Variants in WDTC1 observed in about 807,000 individuals in gnomAD.
The protein encoded by WDTC1 is WD and tetratricopeptide repeats 1.
In WDTC1, 12 loss-of-function variants were observed where a neutral mutation model predicts 76.0. The observed-to-expected ratio is 0.16, with a 90% CI of 0.10 to 0.26. WDTC1 has a LOEUF of 0.26. Ranked by LOEUF, WDTC1 falls within the 10% of genes least tolerant of loss-of-function variation. The pLI, the probability that WDTC1 is intolerant of heterozygous loss-of-function variation, is 1.00. For missense variants in WDTC1, 511 were observed against 908.8 expected (o/e 0.56, Z 5.63); for synonymous variants, 326 against 350.8 (o/e 0.93, Z 0.79).
chr1:27,250,430 G>A (rs376014851), intron 1 of WDTC1, among the ~76,000 whole-genome samples: 2 of 152,070 alleles, frequency 1.3e-5, no homozygotes, highest in Admixed American at 6.6e-5. Context: ...GATTACAGGC[G>A]TGAGCCACCA....
intron 9 of WDTC1, 132 bp downstream of exon 9, chr1:27,294,761 T>C (rs1343018021): frequency 1.4e-6 from 1 of 729,514 alleles, no homozygotes; most frequent in Non-Finnish European, 2.3e-6. Context: ...CATTGAAATG[T>C]GGGGGTGATG....
chr1:27,263,956 T>A (rs1205707561), intron 3 of WDTC1, among the ~76,000 whole-genome samples: 1 of 151,958 alleles, frequency 6.6e-6, no homozygotes, highest in African/African-American at 2.4e-5. Context: ...TTTCTTATTT[T>A]AGCATCAAAG....
chr1:27,279,160 A>G (rs2013121742), intron 3 of WDTC1, among the ~76,000 whole-genome samples: 1 of 152,224 alleles, frequency 6.6e-6, no homozygotes, highest in Admixed American at 6.5e-5. Context: ...TTACCCTACT[A>G]GAGTTCTCTT....
At chr1:27,260,548 A>G (rs768190451) in intron 1 of WDTC1, among the ~76,000 whole-genome samples, 1 of 152,104 alleles carries the variant, frequency 6.6e-6, no homozygotes, top group African/African-American at 2.4e-5. Context: ...TTTCGGGGAG[A>G]GCCAAGCTGA....
At chr1:27,291,781 G>C (rs115987846) in intron 6 of WDTC1, among the ~76,000 whole-genome samples, 100 of 152,252 alleles carry the variant, frequency 6.6e-4, no homozygotes, top group African/African-American at 2.3e-3. Flanking sequence ...GTCTCAGAAA[G>C]CTTCCCCAGC....
chr1:27,273,339 G>T (rs1363233713), intron 3 of WDTC1, among the ~76,000 whole-genome samples: 2 of 150,092 alleles, frequency 1.3e-5, no homozygotes, highest in Non-Finnish European at 2.9e-5. Context: ...CTACCAAGTA[G>T]CTGGGACTAC....
rs961645206 is a variant in WDTC1 at position 27,306,350 on chromosome 1, C to T, written c.2001C>T (p.Ser667=). The T allele has an allele frequency of 1.9e-6, 3 of 1,613,414 alleles. No homozygotes were observed. The African/African-American group carries it at 4.0e-5, about 22-fold the overall frequency. ...GGAGASDDED[S]SEGQVQCRPS is the part of the protein sequence containing the mutation. ...CCGGGGCCTCTGATGATGAGGACAG[C>T]TCTGAGGGCCAGGTGCAGTGCCGGC... is the stretch of plus-strand genomic sequence containing the variant. Residue 667 remains serine, a synonymous_variant, in exon 16 of 16, where the codon AGC becomes AGT. Transcript: ENST00000319394. The surrounding 1 kb of genome is among the most constrained non-coding windows in gnomAD (Gnocchi z 5.0).
chr1:27,241,900 G>GT lies in WDTC1; in HGVS notation c.-100+6962dup, dbSNP rs549158445. ...GTGATGTCTCACACTGTTTTTTTTT[G>GT]TTTTTTTTTTTTTGAGAGTCTCGCT... On this transcript the variant is annotated intron_variant, in intron 1 of 15. Coordinates refer to ENST00000319394, the MANE Select transcript of WDTC1 (RefSeq NM_001276252.2). Among the ~76,000 whole-genome samples, 535 of 139,528 alleles carry GT rather than the reference G, an allele frequency of 3.8e-3. 1 individual carries two copies. The highest frequency in any genetic ancestry group is 7.4e-3 in the Middle Eastern group (2 of 270). The allele number at this position is 139,528 out of a possible 152,430, so 91.5% of individuals were successfully genotyped here. A position where few individuals can be genotyped will look rare whatever the true frequency, so the allele number is the denominator to read the frequency against.
chr1:27,300,593 C>A (rs761660753), intron 12 of WDTC1, among the ~76,000 whole-genome samples: 24 of 152,138 alleles, frequency 1.6e-4, no homozygotes, highest in Non-Finnish European at 2.9e-4. Context: ...GTGTGCACAA[C>A]CCCCCTTACC....
chr1:27,292,512 C>G (rs1439452732), intron 7 of WDTC1, 115 bp downstream of exon 7: 1 of 1,026,342 alleles, frequency 9.7e-7, no homozygotes, highest in Non-Finnish European at 1.3e-6. Context: ...ACTGCAGCCT[C>G]AACCTCCCAG....
In WDTC1 at chr1:27,303,549, C is replaced by G; in HGVS notation, c.1469-72C>G. The G allele has an allele frequency of 2.0e-6, 3 of 1,506,674 alleles. No individual in the cohort carries two copies. The highest frequency in any genetic ancestry group is 2.7e-6 in the Non-Finnish European group (3 of 1,131,886). The allele number at this position is 1,506,674 out of a possible 1,614,324, so 93.3% of individuals were successfully genotyped here. On this transcript the variant is annotated intron_variant, in intron 13 of 15. Transcript: ENST00000319394. The surrounding 1 kb of genome is among the most constrained non-coding windows in gnomAD (Gnocchi z 4.8). ...GTCAGACTTTGGACTGAAAACAGAGCCATAGGTGGGGGAAAATAGGGAAGG... is the reference window on the plus strand; with the variant it reads ...GTCAGACTTTGGACTGAAAACAGAGGCATAGGTGGGGGAAAATAGGGAAGG...
Position 27,306,499 on chromosome 1 carries a change from CTGTTT to C in WDTC1, c.*122_*126del. 7.6e-7 allele frequency: 1 copy of C among 1,309,708 alleles called. No homozygotes were observed. The highest frequency in any genetic ancestry group is 1.0e-6 in the Non-Finnish European group (1 of 978,934). 81.1% of individuals were successfully genotyped at this position (1,309,708 alleles called of 1,614,324 possible). ...CCACCACCCTTTTTTTTCATTTCCC[CTGTTT>C]TGTTTGTTAGTTTGGCGTTAGGGGT... On this transcript the variant is annotated 3_prime_UTR_variant, in exon 16 of 16. Coordinates refer to ENST00000319394, the MANE Select transcript of WDTC1 (RefSeq NM_001276252.2). The surrounding 1 kb of genome is among the most constrained non-coding windows in gnomAD (Gnocchi z 5.0).
chr1:27,261,184 C>A, intron 2 of WDTC1, 82 bp downstream of exon 2: 1 of 1,563,324 alleles, frequency 6.4e-7, no homozygotes, highest in South Asian at 1.1e-5. Flanking sequence ...AAACTGAAAT[C>A]TATAGTCTGT....
At chr1:27,263,053 C>A in intron 2 of WDTC1, 99 bp from the exon 3 acceptor site, 1 of 1,258,274 alleles carries the variant, frequency 7.9e-7, no homozygotes, top group Non-Finnish European at 1.1e-6. Context: ...TCTTCTTTAG[C>A]TCCTGTGGTG....
intron 3 of WDTC1, among the ~76,000 whole-genome samples, chr1:27,277,419 C>A (rs538294496): frequency 6.6e-6 from 1 of 152,120 alleles, no homozygotes; most frequent in African/African-American, 2.4e-5. Flanking sequence ...TGTCCTGGCA[C>A]CATGTGCTAA....
intron 1 of WDTC1, among the ~76,000 whole-genome samples, chr1:27,255,860 C>A (rs538519098): frequency 4.1e-4 from 63 of 152,264 alleles, no homozygotes; most frequent in South Asian, 2.1e-3. Flanking sequence ...TGAACCACCA[C>A]ACCCGGCCAA....
chr1:27,256,486 T>C (rs977993945), intron 1 of WDTC1, among the ~76,000 whole-genome samples: 2 of 152,174 alleles, frequency 1.3e-5, no homozygotes, highest in African/African-American at 2.4e-5. Context: ...TCCCAAAATA[T>C]AAGAAGCGTT....
intron 1 of WDTC1, among the ~76,000 whole-genome samples, chr1:27,241,804 T>C (rs766056497): frequency 6.6e-6 from 1 of 152,130 alleles, no homozygotes; most frequent in Non-Finnish European, 1.5e-5. Context: ...AAATTAGCTA[T>C]GATCACTGGA....
intron 1 of WDTC1, among the ~76,000 whole-genome samples, chr1:27,253,633 C>T (rs751873376): frequency 3.0e-4 from 45 of 151,738 alleles, no homozygotes; most frequent in Non-Finnish European, 4.4e-4. Context: ...AGGCGTGAGC[C>T]GCCACATTCA....
Sources: allele counts gnomAD v4.1 joint callset (sites outside exome capture counted in the v4.1 genomes callset), GRCh38; gene constraint gnomAD v4.1.1; non-coding constraint Gnocchi (gnomAD v3.1); transcripts MANE v1.5; gene names NCBI Gene and HGNC (gene_info 2026-07-23, HGNC 2026-07-21).